Variants in CSMD1 observed in about 807,000 individuals in gnomAD.
The protein encoded by CSMD1 is CUB and sushi domain-containing protein 1.
Under a neutral mutation model 417.5 loss-of-function variants are expected in CSMD1, and 213 were observed. The ratio of observed to expected loss-of-function variants is 0.51; its 90% CI spans 0.46 to 0.57. CSMD1 has a LOEUF of 0.57. Among genes scored for constraint, CSMD1 ranks in the 20% least tolerant of loss-of-function variants. CSMD1 has a pLI of 0.00. For missense variants in CSMD1, 6,923 were observed against 4,529.7 expected (o/e 1.53, Z -15.17); for synonymous variants, 2,862 against 1,736.8 (o/e 1.65, Z -16.11).
chr8:3,409,207 G>C (rs923913188), intron 13 of CSMD1, among the ~76,000 whole-genome samples: 1 of 152,220 alleles, frequency 6.6e-6, no homozygotes. Flanking sequence ...ATTTTGTCGA[G>C]TAGATGTAAT....
intron 5 of CSMD1, among the ~76,000 whole-genome samples, chr8:3,957,062 A>C (rs1315516058): frequency 6.6e-6 from 1 of 152,206 alleles, no homozygotes; most frequent in Non-Finnish European, 1.5e-5. Flanking sequence ...CGTAGGAGAC[A>C]AAAACGCCGG....
rs554623836 is a variant in CSMD1, at chr8:4,092,763, T to C, written c.416-60664A>G. ...ACATTTTCTTTAAATATAACTTTTA[T>C]TCCTTTTACTGTATTATTTCATGAA... On this transcript the variant is annotated intron_variant, in intron 3 of 69. Transcript: ENST00000635120. Among the ~76,000 whole-genome samples the C allele has an allele frequency of 3.3e-5, 5 of 152,296 alleles. No homozygotes were observed. In the East Asian group the frequency reaches 9.6e-4, roughly 29 times the overall value.
chr8:4,744,058 G>T (rs539723720), intron 1 of CSMD1, among the ~76,000 whole-genome samples: 1 of 152,168 alleles, frequency 6.6e-6, no homozygotes, highest in African/African-American at 2.4e-5. Context: ...TTTCTTATGC[G>T]GCTTTGATGA....
At chr8:4,188,029 A>T (rs1798785980) in intron 3 of CSMD1, among the ~76,000 whole-genome samples, 2 of 152,146 alleles carry the variant, frequency 1.3e-5, no homozygotes, top group Admixed American at 1.3e-4. Context: ...AAAAGACCTA[A>T]GACAGTGCAA....
intron 3 of CSMD1, among the ~76,000 whole-genome samples, chr8:4,078,605 T>TA (rs142178458): frequency 0.05 from 7,417 of 148,312 alleles, 249 homozygotes; most frequent in African/African-American, 0.092. Context: ...TTATGAAATA[T>TA]AATTTTTTTT....
rs183364287 is a variant in CSMD1 at position 2,938,875 on chromosome 8, G to T, written c.10536-131C>A. The T allele has an allele frequency of 9.6e-4, 680 of 706,586 alleles. 7 individuals are homozygous for T. The highest frequency in any genetic ancestry group is 5.3e-3 in the South Asian group (276 of 51,858). The allele number at this position is 706,586 out of a possible 1,614,324, so 43.8% of individuals were successfully genotyped here. A position where few individuals can be genotyped will look rare whatever the true frequency, so the allele number is the denominator to read the frequency against. Reference sequence around the variant, plus strand: ...GCCAGGACGTTTGCAAAGAAGGAAGGCATCCACACCTGCACACCTGTCAGT... The same window carrying T: ...GCCAGGACGTTTGCAAAGAAGGAAGTCATCCACACCTGCACACCTGTCAGT... On this transcript the variant is annotated intron_variant, in intron 69 of 69. Coordinates refer to ENST00000635120, the MANE Select transcript of CSMD1 (RefSeq NM_033225.6).
chr8:4,411,982 A>C (rs1389959119), intron 3 of CSMD1, among the ~76,000 whole-genome samples: 4 of 126,000 alleles, frequency 3.2e-5, no homozygotes, highest in African/African-American at 1.2e-4. Flanking sequence ...ACAGCAACAT[A>C]GCTAAGGGTG....
intron 1 of CSMD1, among the ~76,000 whole-genome samples, chr8:4,725,872 T>G (rs1364822820): frequency 6.6e-6 from 1 of 152,136 alleles, no homozygotes; most frequent in Non-Finnish European, 1.5e-5. Flanking sequence ...TCCGACATCT[T>G]GTAGACCCTG....
chr8:4,677,178 A>C (rs1458972222), intron 1 of CSMD1, among the ~76,000 whole-genome samples: 1 of 149,848 alleles, frequency 6.7e-6, no homozygotes, highest in Non-Finnish European at 1.5e-5. Flanking sequence ...TTTATCATTT[A>C]TATGGTCAGG....
intron 3 of CSMD1, among the ~76,000 whole-genome samples, chr8:4,189,230 T>C (rs1165917925): frequency 2.0e-5 from 3 of 152,188 alleles, no homozygotes; most frequent in African/African-American, 4.8e-5. Flanking sequence ...CCAGGACCCA[T>C]AACAGATCTA....
At chr8:3,598,945 G>A (rs986408872) in intron 8 of CSMD1, among the ~76,000 whole-genome samples, 11 of 152,038 alleles carry the variant, frequency 7.2e-5, no homozygotes, top group Non-Finnish European at 1.5e-4. Context: ...ACTGGGCATG[G>A]TGGAGTGCAC....
chr8:2,949,135 G>C (rs1259240697), intron 68 of CSMD1, among the ~76,000 whole-genome samples, 164 bp downstream of exon 68: 1 of 148,234 alleles, frequency 6.7e-6, no homozygotes, highest in African/African-American at 2.5e-5. Flanking sequence ...TGTGTATTTT[G>C]CTATTCAAAA....
rs988694401 is a variant in CSMD1, at chr8:4,432,195, G to A, written c.303-12130C>T. Among the ~76,000 whole-genome samples, 14 of 152,162 alleles carry A rather than the reference G, an allele frequency of 9.2e-5. 1 individual carries two copies. The highest frequency in any genetic ancestry group is 2.1e-4 in the Non-Finnish European group (14 of 68,020). On this transcript the variant is annotated intron_variant, in intron 2 of 69. Coordinates refer to ENST00000635120, the MANE Select transcript of CSMD1 (RefSeq NM_033225.6). ...CAATTATATTGCGAAGTTTGAAAAA[G>A]TAAAATTGGAATTTAAAAATTTTGT...
At chr8:4,217,658 G>GA (rs35530505) in intron 3 of CSMD1, among the ~76,000 whole-genome samples, 81,309 of 145,550 alleles carry the variant, frequency 0.56, 23,831 homozygotes, top group East Asian at 0.73. Context: ...GACCTCATCA[G>GA]AAAAAAAAAA....
Position 4,259,621 on chromosome 8 carries a change from T to C in CSMD1, c.415+160332A>G, listed in dbSNP as rs774111918. Among the ~76,000 whole-genome samples the C allele has an allele frequency of 2.6e-5, 4 of 152,080 alleles. No individual in the cohort carries two copies. The South Asian group carries it at 6.2e-4, about 24-fold the overall frequency. ...AATAAACTTCAAAACTTTACAAATA[T>C]AGTCGGAGTCCTTACCCAAAACAAT... On this transcript the variant is annotated intron_variant, in intron 3 of 69. Transcript: ENST00000635120.
intron 6 of CSMD1, among the ~76,000 whole-genome samples, chr8:3,733,011 C>A (rs1315379293): frequency 1.3e-5 from 2 of 151,862 alleles, no homozygotes; most frequent in East Asian, 3.9e-4. Flanking sequence ...ATACGTGTGC[C>A]CTGATCAAGG....
intron 37 of CSMD1, among the ~76,000 whole-genome samples, chr8:3,176,588 C>T (rs929665302): frequency 6.6e-6 from 1 of 152,004 alleles, no homozygotes; most frequent in African/African-American, 2.4e-5. Context: ...TGTAAAACCC[C>T]GTGAACTAGA....
At chr8:4,084,459 T>A (rs984611687) in intron 3 of CSMD1, among the ~76,000 whole-genome samples, 3 of 152,352 alleles carry the variant, frequency 2.0e-5, no homozygotes, top group East Asian at 1.9e-4. Flanking sequence ...TTTGTTGTAA[T>A]TGCTAAATCA....
chr8:4,821,233 A>G (rs754416264), intron 1 of CSMD1, among the ~76,000 whole-genome samples: 1 of 152,170 alleles, frequency 6.6e-6, no homozygotes, highest in Non-Finnish European at 1.5e-5. Flanking sequence ...TTACAATTAT[A>G]AAGGATTATT....
Sources: gnomAD v4.1 joint callset for allele counts (sites outside exome capture counted in the v4.1 genomes callset) on GRCh38, gnomAD v4.1.1 for gene constraint, MANE v1.5 for transcripts, NCBI Gene and HGNC (gene_info 2026-07-23, HGNC 2026-07-21) for gene names.